The following EDIL3 variants were observed in gnomAD, a reference collection of about 807,000 sequenced individuals.
The protein encoded by EDIL3 is EGF-like repeat and discoidin I-like domain-containing protein 3.
EDIL3 carries 37 observed loss-of-function variants against 67.4 expected under a neutral mutation model. The ratio of observed to expected loss-of-function variants is 0.55; its 90% CI spans 0.42 to 0.72. EDIL3 has a LOEUF of 0.72. EDIL3 is among the 30% of genes least tolerant of loss of function. The probability of loss-of-function intolerance (pLI) is 0.00; values close to 1 mark genes in which losing one functional copy is unlikely to be tolerated. For missense variants in EDIL3, 527 were observed against 586.3 expected, an observed-to-expected ratio of 0.90 and a Z score of 1.04; for synonymous variants, 195 against 196.3, an observed-to-expected ratio of 0.99 and a Z score of 0.05.
intron 1 of EDIL3, among the ~76,000 whole-genome samples, chr5:84,315,952 T>C (rs1035186334): frequency 1.3e-5 from 2 of 152,132 alleles, no homozygotes; most frequent in African/African-American, 4.8e-5. Context: ...TGGGGGCCAA[T>C]ATTCAACATT....
intron 2 of EDIL3, among the ~76,000 whole-genome samples, chr5:84,233,953 A>C (rs897333456): frequency 6.6e-6 from 1 of 152,172 alleles, no homozygotes; most frequent in Non-Finnish European, 1.5e-5. Flanking sequence ...GAGCCACTGA[A>C]TCATATCAAC....
intron 4 of EDIL3, among the ~76,000 whole-genome samples, chr5:84,165,368 A>T (rs1366197610): frequency 6.6e-6 from 1 of 152,082 alleles, no homozygotes; most frequent in Non-Finnish European, 1.5e-5. Context: ...GAGCCATCTC[A>T]TCTACGACAA....
At chr5:84,322,843 G>T (rs1746676685) in intron 1 of EDIL3, among the ~76,000 whole-genome samples, 1 of 151,896 alleles carries the variant, frequency 6.6e-6, no homozygotes, top group Non-Finnish European at 1.5e-5. Flanking sequence ...ACGTACAAGG[G>T]ATTCTCAATA....
intron 5 of EDIL3, among the ~76,000 whole-genome samples, chr5:84,108,838 T>C (rs1461591871): frequency 6.6e-6 from 1 of 152,188 alleles, no homozygotes; most frequent in Non-Finnish European, 1.5e-5. Flanking sequence ...GGCCAGTAAG[T>C]AGACTAGCAG....
intron 9 of EDIL3, among the ~76,000 whole-genome samples, chr5:84,024,894 G>T (rs185728876): frequency 1.3e-5 from 2 of 151,416 alleles, no homozygotes; most frequent in East Asian, 3.9e-4. Context: ...CAAAATTTGG[G>T]GCATTAAGAG....
At chr5:84,150,543 A>G (rs1044781680) in intron 4 of EDIL3, among the ~76,000 whole-genome samples, 3 of 152,242 alleles carry the variant, frequency 2.0e-5, no homozygotes, top group African/African-American at 7.2e-5. Flanking sequence ...AAAGATGTTC[A>G]ACCTCATTTG....
intron 4 of EDIL3, among the ~76,000 whole-genome samples, chr5:84,151,702 C>T (rs1748396735): frequency 6.6e-6 from 1 of 152,144 alleles, no homozygotes; most frequent in African/African-American, 2.4e-5. Flanking sequence ...TTATCATTGA[C>T]TATCAGAAAT....
chr5:84,038,001 T>TTTTTTTC (rs1561411129), intron 9 of EDIL3, among the ~76,000 whole-genome samples: 1 of 142,698 alleles, frequency 7.0e-6, no homozygotes, highest in Non-Finnish European at 1.5e-5. Context: ...TTTTTTTTTT[T>TTTTTTTC]TTTTTTTTTT....
At chr5:84,074,209 A>C (rs937820209) in intron 6 of EDIL3, among the ~76,000 whole-genome samples, 1 of 145,228 alleles carries the variant, frequency 6.9e-6, no homozygotes, top group African/African-American at 2.7e-5. Context: ...AAGACGGATT[A>C]AAGACTTAAA....
chr5:84,104,947 C>T (rs557829179), intron 6 of EDIL3, among the ~76,000 whole-genome samples: 2 of 152,072 alleles, frequency 1.3e-5, no homozygotes, highest in South Asian at 2.1e-4. Flanking sequence ...TTGAAGCTCA[C>T]GAACATAATT....
At chr5:84,030,722 G>A (rs1054694850) in intron 9 of EDIL3, among the ~76,000 whole-genome samples, 5 of 152,116 alleles carry the variant, frequency 3.3e-5, no homozygotes, top group Non-Finnish European at 7.4e-5. Context: ...GGGCTGGGAA[G>A]CAATCACAGC....
chr5:84,152,907 T>C (rs2112331602), intron 4 of EDIL3, among the ~76,000 whole-genome samples: 1 of 152,314 alleles, frequency 6.6e-6, no homozygotes, highest in South Asian at 2.1e-4. Flanking sequence ...AATATAAAAA[T>C]ACATATTTTT....
rs185674489 is a variant in EDIL3 at position 84,061,898 on chromosome 5, T to C, written c.953-1414A>G. On this transcript the variant is annotated intron_variant, in intron 8 of 10. Transcript: ENST00000296591. ...TAGACCTTTTTTGGAGTCTAAACTA[T>C]AAAAGAGGTGCTTTAGAACTCTTCA... Among the ~76,000 whole-genome samples, 16 of 152,244 alleles carry C rather than the reference T, an allele frequency of 1.1e-4. No individual in the cohort carries two copies. In the East Asian group the frequency reaches 3.1e-3, roughly 29 times the overall value.
rs70975530 is a variant in EDIL3, at chr5:83,970,643, G to GTATATATATATA, written c.1138-7295_1138-7284dup. Among the ~76,000 whole-genome samples, 157 of 116,100 alleles carry GTATATATATATA rather than the reference G, an allele frequency of 1.4e-3. 1 individual carries two copies. Among genetic ancestry groups the GTATATATATATA allele is most frequent in the African/African-American group, 4.1e-3 (107 of 26,196 alleles). 76.2% of individuals were successfully genotyped at this position (116,100 alleles called of 152,430 possible). A position where few individuals can be genotyped will look rare whatever the true frequency, so the allele number is the denominator to read the frequency against. On this transcript the variant is annotated intron_variant, in intron 9 of 10. Transcript: ENST00000296591. ...ATACATAATGTGACATAGGATCACA[G>GTATATATATATA]TATATATATATATATATATATATAT...
At chr5:84,208,974 G>C (rs537512415) in intron 3 of EDIL3, among the ~76,000 whole-genome samples, 1,586 of 152,136 alleles carry the variant, frequency 0.01, 33 homozygotes, top group African/African-American at 0.036. Context: ...TGGAACCAAC[G>C]CAAATATCCA....
intron 4 of EDIL3, among the ~76,000 whole-genome samples, chr5:84,156,571 T>C (rs1289139786): frequency 1.3e-5 from 2 of 152,192 alleles, no homozygotes; most frequent in East Asian, 3.8e-4. Flanking sequence ...CAATGTGGTT[T>C]GAGAATAAGG....
chr5:84,196,973 A>G (rs1483558859), intron 3 of EDIL3: 1 of 152,046 alleles, frequency 6.6e-6, no homozygotes, highest in Non-Finnish European at 1.5e-5. Context: ...AATTATGTCA[A>G]CTGGGACCCA....
intron 6 of EDIL3, among the ~76,000 whole-genome samples, chr5:84,087,990 G>A (rs1747101807): frequency 1.3e-5 from 2 of 152,130 alleles, no homozygotes; most frequent in Admixed American, 1.3e-4. Context: ...CCATGTGGCT[G>A]GAACTCACAG....
In EDIL3 at chr5:84,072,936, C is replaced by T. The variant is rs1045031482; in HGVS notation, c.652-6330G>A. On this transcript the variant is annotated intron_variant, in intron 6 of 10. Coordinates refer to ENST00000296591, the MANE Select transcript of EDIL3 (RefSeq NM_005711.5). ...GCAACAGGACAGTGTATTGCATACT[C>T]CCCAAAATTTTAAAAAGTAAACACT... Among the ~76,000 whole-genome samples, 8 of 152,032 alleles carry T rather than the reference C, an allele frequency of 5.3e-5. No homozygotes were observed. The South Asian group carries it at 1.5e-3, about 28-fold the overall frequency.
Sources: allele counts gnomAD v4.1 joint callset (sites outside exome capture counted in the v4.1 genomes callset), GRCh38; gene constraint gnomAD v4.1.1; transcripts MANE v1.5; gene names NCBI Gene and HGNC (gene_info 2026-07-23, HGNC 2026-07-21).